The following ANKRD11 variants were observed in gnomAD, a reference collection of about 807,000 sequenced individuals.
ANKRD11 encodes the protein ankyrin repeat domain 11.
Under a neutral mutation model 195.7 loss-of-function variants are expected in ANKRD11, and 17 were observed. That is an observed-to-expected ratio of 0.09 (90% CI 0.06 to 0.13). The LOEUF is 0.13. Ranked by LOEUF, ANKRD11 falls within the 10% of genes least tolerant of loss-of-function variation. The pLI, the probability that ANKRD11 is intolerant of heterozygous loss-of-function variation, is 1.00. For missense variants in ANKRD11, 3,735 were observed against 3,566.1 expected, an observed-to-expected ratio of 1.05 and a Z score of -1.21; for synonymous variants, 1,953 against 1,528.1, an observed-to-expected ratio of 1.28 and a Z score of -6.49.
Position 89,427,670 on chromosome 16 carries a change from A to G in ANKRD11, c.-144-9302T>C, listed in dbSNP as rs555402716. Among the ~76,000 whole-genome samples the G allele has an allele frequency of 5.0e-3, 767 of 152,058 alleles. 6 individuals carry two copies. The highest frequency in any genetic ancestry group is 0.018 in the African/African-American group (740 of 41,494). ...AAAAATTAGCTGGGTGTGGTGGCAC[A>G]TGCCTGTAATCCCAGCTACTTGGGA... On this transcript the variant is annotated intron_variant, in intron 1 of 12. Coordinates refer to ENST00000301030, the MANE Select transcript of ANKRD11 (RefSeq NM_013275.6).
chr16:89,279,610 T>C lies in ANKRD11; in HGVS notation c.6932A>G (p.Gln2311Arg), dbSNP rs888918193. 2.8e-6 allele frequency: 4 copies of C among 1,438,782 alleles called. No individual in the cohort carries two copies. The highest frequency in any genetic ancestry group is 2.5e-4 in the Middle Eastern group (1 of 3,926). The allele number at this position is 1,438,782 out of a possible 1,614,324, so 89.1% of individuals were successfully genotyped here. A position where few individuals can be genotyped will look rare whatever the true frequency, so the allele number is the denominator to read the frequency against. The change falls in exon 9 of 13, where the codon CAG (glutamine) becomes CGG (arginine). Residue 2311 changes from glutamine (Q) to arginine (R), a missense_variant. Transcript: ENST00000301030. The surrounding 1 kb of genome is among the most constrained non-coding windows in gnomAD (Gnocchi z 5.6). ...APAEGPPGGI[Q>R]PEAAEPKPTA... ...GGGTTTTGGTTCTGCGGCTTCCGGC[T>C]GGATGCCGCCAGGAGGGCCTTCGGC...
chr16:89,446,673 G>A (rs1457041677), intron 1 of ANKRD11, among the ~76,000 whole-genome samples: 1 of 152,166 alleles, frequency 6.6e-6, no homozygotes, highest in Non-Finnish European at 1.5e-5. Flanking sequence ...GGGCTGTGAA[G>A]TGAAGCCCTG....
At chr16:89,424,374 G>T (rs1248782950) in intron 1 of ANKRD11, among the ~76,000 whole-genome samples, 1 of 151,702 alleles carries the variant, frequency 6.6e-6, no homozygotes. Context: ...CCAGGAGACG[G>T]AGGTTGCAGC....
At chr16:89,318,195 G>A (rs1489554462) in intron 2 of ANKRD11, among the ~76,000 whole-genome samples, 3 of 152,264 alleles carry the variant, frequency 2.0e-5, no homozygotes, top group South Asian at 2.1e-4. Flanking sequence ...CTTCTGTGGC[G>A]ATGCCAACTT....
chr16:89,341,991 A>T (rs975749782), intron 2 of ANKRD11, among the ~76,000 whole-genome samples: 1 of 84,844 alleles, frequency 1.2e-5, no homozygotes, highest in Admixed American at 1.2e-4. Flanking sequence ...ACCTCCACCC[A>T]CAGCGGCCAC....
At chr16:89,338,655 G>A (rs774366298) in intron 2 of ANKRD11, among the ~76,000 whole-genome samples, 2 of 143,218 alleles carry the variant, frequency 1.4e-5, no homozygotes, top group African/African-American at 5.2e-5. Flanking sequence ...AACCTGGGAA[G>A]CTGAGGTTGC....
At position 89,357,350 on chromosome 16, in the gene ANKRD11, C is replaced by T. The variant is rs371886540; in HGVS notation, c.-59-40272G>A. On this transcript the variant is annotated intron_variant, in intron 2 of 12. Transcript: ENST00000301030. ...GGACAGGACACTTGCTGCCAGTCTC[C>T]AGCACCTCACAGGGAACCAGGGGGC... Among the ~76,000 whole-genome samples, 7 of 152,254 alleles carry T rather than the reference C, an allele frequency of 4.6e-5. No homozygotes were observed. The East Asian group carries it at 5.8e-4, about 13-fold the overall frequency.
intron 1 of ANKRD11, among the ~76,000 whole-genome samples, chr16:89,433,227 T>C (rs571429982): frequency 6.6e-6 from 1 of 152,298 alleles, no homozygotes; most frequent in African/African-American, 2.4e-5. Flanking sequence ...GAGGGTTTCA[T>C]GACAAGGCCC....
chr16:89,452,992 C>A (rs2044152290), intron 1 of ANKRD11, among the ~76,000 whole-genome samples: 1 of 152,032 alleles, frequency 6.6e-6, no homozygotes, highest in African/African-American at 2.4e-5. Context: ...CCTTATGTTG[C>A]CCAGGCTGGT....
At chr16:89,433,471 A>G (rs2043084195) in intron 1 of ANKRD11, among the ~76,000 whole-genome samples, 1 of 152,232 alleles carries the variant, frequency 6.6e-6, no homozygotes, top group South Asian at 2.1e-4. Flanking sequence ...CATACTATTC[A>G]GAACAGAGAC....
intron 2 of ANKRD11, among the ~76,000 whole-genome samples, chr16:89,371,789 G>A (rs986229368): frequency 1.6e-4 from 24 of 152,272 alleles, no homozygotes; most frequent in Non-Finnish European, 3.5e-4. Flanking sequence ...TCTCCATCAA[G>A]GCCACGCCCT....
chr16:89,362,422 T>C (rs557755566), intron 2 of ANKRD11, among the ~76,000 whole-genome samples: 1 of 152,172 alleles, frequency 6.6e-6, no homozygotes, highest in East Asian at 1.9e-4. Flanking sequence ...GACCCAAACC[T>C]AAATTGCACA....
At chr16:89,384,978 T>C (rs1305891260) in intron 2 of ANKRD11, among the ~76,000 whole-genome samples, 1 of 135,032 alleles carries the variant, frequency 7.4e-6, no homozygotes, top group African/African-American at 2.8e-5. Flanking sequence ...CTCTGACTCC[T>C]GGGTTCAAGT....
chr16:89,474,783 C>T (rs1381312765), intron 1 of ANKRD11, among the ~76,000 whole-genome samples: 2 of 152,186 alleles, frequency 1.3e-5, no homozygotes, highest in African/African-American at 4.8e-5. Flanking sequence ...CAAAATGCTG[C>T]CTTCAAGGTT....
chr16:89,469,670 G>A (rs139186116), intron 1 of ANKRD11, among the ~76,000 whole-genome samples: 4,940 of 150,784 alleles, frequency 0.033, 293 homozygotes, highest in African/African-American at 0.11. Flanking sequence ...AGGCTGAGGC[G>A]GGCGGATCAC....
At chr16:89,372,484 C>T (rs911499563) in intron 2 of ANKRD11, among the ~76,000 whole-genome samples, 1 of 152,076 alleles carries the variant, frequency 6.6e-6, no homozygotes, top group South Asian at 2.1e-4. Context: ...GTGAGAAGAG[C>T]GAAGGCCAAG....
At chr16:89,268,987 C>G (rs1233580675) in intron 12 of ANKRD11, among the ~76,000 whole-genome samples, 1 of 152,260 alleles carries the variant, frequency 6.6e-6, no homozygotes, top group African/African-American at 2.4e-5. Flanking sequence ...TAGAATCGAA[C>G]AGCTTTGCTT....
chr16:89,334,649 C>G (rs949260102), intron 2 of ANKRD11, among the ~76,000 whole-genome samples: 1 of 152,122 alleles, frequency 6.6e-6, no homozygotes, highest in Non-Finnish European at 1.5e-5. Context: ...AGCCACGCTC[C>G]ATGAGGGGCC....
At chr16:89,434,815 G>T (rs553082568) in intron 1 of ANKRD11, among the ~76,000 whole-genome samples, 1 of 152,212 alleles carries the variant, frequency 6.6e-6, no homozygotes, top group Non-Finnish European at 1.5e-5. Flanking sequence ...ATGGAGACGC[G>T]GCGAGGACAC....
Sources: gnomAD v4.1 joint callset for allele counts (sites outside exome capture counted in the v4.1 genomes callset) on GRCh38, gnomAD v4.1.1 for gene constraint, Gnocchi (gnomAD v3.1) non-coding constraint, MANE v1.5 for transcripts, NCBI Gene and HGNC (gene_info 2026-07-23, HGNC 2026-07-21) for gene names.